ELP4: variants seen among roughly 807,000 people sequenced by gnomAD.
The protein encoded by ELP4 is elongator complex protein 4.
A neutral mutation model predicts 48.9 loss-of-function variants in ELP4; 51 were observed. That is an observed-to-expected ratio of 1.04 (90% confidence interval 0.83 to 1.32). The LOEUF (loss-of-function observed/expected upper bound fraction) is 1.32. ELP4 is among the 40% of genes most tolerant of loss of function. The pLI, the probability that ELP4 is intolerant of heterozygous loss-of-function variation, is 0.00. For synonymous variants in ELP4, 210 were observed against 189.2 expected (o/e 1.11, Z -0.90); for missense variants, 519 against 514.6 (o/e 1.01, Z -0.08).
intron 5 of ELP4, among the ~76,000 whole-genome samples, chr11:31,606,374 A>T (rs1460669822): frequency 6.6e-6 from 1 of 152,142 alleles, no homozygotes; most frequent in Non-Finnish European, 1.5e-5. Context: ...TACTTTTCCT[A>T]TAATTAAGGC....
At chr11:31,702,235 C>T (rs1435568121) in intron 9 of ELP4, among the ~76,000 whole-genome samples, 1 of 151,960 alleles carries the variant, frequency 6.6e-6, no homozygotes, top group South Asian at 2.1e-4. Flanking sequence ...CCCAGGAGTT[C>T]AAAGCTGCAG....
At chr11:31,687,649 T>C (rs1175987920) in intron 9 of ELP4, 1 of 152,164 alleles carries the variant, frequency 6.6e-6, no homozygotes, top group African/African-American at 2.4e-5. Flanking sequence ...AAGTATCGAC[T>C]CTCTGTTCCA....
intron 2 of ELP4, among the ~76,000 whole-genome samples, chr11:31,532,744 C>CAAGTACAG (rs1956415851): frequency 6.8e-6 from 1 of 146,624 alleles, no homozygotes; most frequent in African/African-American, 2.5e-5. Context: ...TCAGGGTGTA[C>CAAGTACAG]AAGTACAGAT....
At chr11:31,752,659 C>A (rs1474990417) in intron 9 of ELP4, among the ~76,000 whole-genome samples, 1 of 151,844 alleles carries the variant, frequency 6.6e-6, no homozygotes, top group Non-Finnish European at 1.5e-5. Flanking sequence ...ACGGTGAAAC[C>A]CCGTCTCTAC....
intron 9 of ELP4, among the ~76,000 whole-genome samples, chr11:31,776,266 C>G (rs748363245): frequency 1.3e-4 from 20 of 151,840 alleles, no homozygotes; most frequent in Non-Finnish European, 2.4e-4. Context: ...GGATCAGGAC[C>G]TAGGGCAGGG....
intron 9 of ELP4, among the ~76,000 whole-genome samples, chr11:31,697,682 G>T (rs761958279): frequency 9.9e-5 from 15 of 151,868 alleles, no homozygotes; most frequent in Non-Finnish European, 1.9e-4. Flanking sequence ...ACGTAGTCAG[G>T]GTGGAATTAT....
chr11:31,542,347 CGAGT>C (rs1016477620), intron 3 of ELP4, among the ~76,000 whole-genome samples: 1 of 152,124 alleles, frequency 6.6e-6, no homozygotes, highest in African/African-American at 2.4e-5. Flanking sequence ...AGGTATGCAT[CGAGT>C]GAGTTAGAGA....
intron 9 of ELP4, chr11:31,663,894 A>G (rs1945614670): frequency 6.6e-6 from 1 of 152,074 alleles, no homozygotes; most frequent in South Asian, 2.1e-4. Flanking sequence ...AAGCTAATGT[A>G]AGTTATTGTA....
At chr11:31,597,114 A>G (rs1172341055) in intron 4 of ELP4, among the ~76,000 whole-genome samples, 1 of 152,198 alleles carries the variant, frequency 6.6e-6, no homozygotes, top group Non-Finnish European at 1.5e-5. Context: ...AAAAACATAT[A>G]TTCTTTGATT....
intron 9 of ELP4, among the ~76,000 whole-genome samples, chr11:31,671,944 A>G (rs181424999): frequency 3.3e-5 from 5 of 152,266 alleles, no homozygotes; most frequent in Admixed American, 3.3e-4. Context: ...GGTCTGTTAC[A>G]GTATTACGGT....
At chr11:31,584,916 A>G (rs753660900) in intron 3 of ELP4, among the ~76,000 whole-genome samples, 3 of 152,176 alleles carry the variant, frequency 2.0e-5, no homozygotes, top group Admixed American at 1.3e-4. Context: ...TTCTAAACAG[A>G]ATGTCCAGTT....
At chr11:31,589,979 T>C (rs1481125297) in intron 3 of ELP4, among the ~76,000 whole-genome samples, 1 of 152,214 alleles carries the variant, frequency 6.6e-6, no homozygotes, top group Non-Finnish European at 1.5e-5. Flanking sequence ...GCATGGTGGT[T>C]AAGAGCACAC....
chr11:31,569,986 C>A (rs1048826437), intron 3 of ELP4, among the ~76,000 whole-genome samples: 8 of 152,154 alleles, frequency 5.3e-5, no homozygotes, highest in African/African-American at 1.9e-4. Flanking sequence ...GAACTAACAT[C>A]CAACCCAGCA....
intron 2 of ELP4, among the ~76,000 whole-genome samples, chr11:31,527,841 C>T (rs1417862924): frequency 6.6e-6 from 1 of 152,072 alleles, no homozygotes; most frequent in African/African-American, 2.4e-5. Flanking sequence ...AGCTCCTTAA[C>T]TTCTGACTAT....
intron 9 of ELP4, among the ~76,000 whole-genome samples, chr11:31,731,831 G>C (rs983014432): frequency 6.6e-6 from 1 of 151,900 alleles, no homozygotes; most frequent in East Asian, 1.9e-4. Context: ...TCACAAACAA[G>C]GGAAACTTCA....
chr11:31,763,424 A>G, intron 9 of ELP4: 2 of 1,607,626 alleles, frequency 1.2e-6, no homozygotes, highest in Non-Finnish European at 1.7e-6. Flanking sequence ...GTGCAAGACA[A>G]CTACTTGAGA....
intron 1 of ELP4, chr11:31,511,649 C>G (rs966927649): frequency 2.6e-5 from 4 of 152,194 alleles, no homozygotes; most frequent in African/African-American, 9.6e-5. Flanking sequence ...ATTTAGTGCT[C>G]TTTGCACTAG....
intron 9 of ELP4, among the ~76,000 whole-genome samples, chr11:31,747,033 CTGTG>C (rs34776621): frequency 0.28 from 42,569 of 149,930 alleles, 6,280 homozygotes; most frequent in African/African-American, 0.37. Context: ...CAGACTAACA[CTGTG>C]TGTGTGTGTG....
intron 3 of ELP4, among the ~76,000 whole-genome samples, chr11:31,556,790 T>C (rs1241480042): frequency 6.6e-6 from 1 of 151,892 alleles, no homozygotes; most frequent in Non-Finnish European, 1.5e-5. Flanking sequence ...AAAAAGAAAG[T>C]AGGAGGCTAG....
Sources: allele counts gnomAD v4.1 joint callset (sites outside exome capture counted in the v4.1 genomes callset), GRCh38; gene constraint gnomAD v4.1.1; transcripts MANE v1.5; gene names NCBI Gene and HGNC (gene_info 2026-07-23, HGNC 2026-07-21).